The following KCNJ6 variants were observed in gnomAD, a reference collection of about 807,000 sequenced individuals.
KCNJ6 encodes G protein-activated inward rectifier potassium channel 2.
In KCNJ6, 9 loss-of-function variants were observed where a neutral mutation model predicts 34.2. The observed-to-expected ratio is 0.26, with a 90% CI of 0.16 to 0.46. KCNJ6 has a LOEUF of 0.46. Ranked by LOEUF, KCNJ6 falls within the 20% of genes least tolerant of loss-of-function variation. The pLI, the probability that KCNJ6 is intolerant of heterozygous loss-of-function variation, is 1.00. For synonymous variants in KCNJ6, 196 were observed against 207.1 expected (o/e 0.95, Z 0.46); for missense variants, 236 against 531.3 (o/e 0.44, Z 5.46).
At chr21:37,646,961 C>T (rs2054407950) in intron 3 of KCNJ6, among the ~76,000 whole-genome samples, 1 of 152,198 alleles carries the variant, frequency 6.6e-6, no homozygotes, top group Non-Finnish European at 1.5e-5. Context: ...GCCTGAGCCA[C>T]CGTGCCTGGC....
chr21:37,722,018 C>A (rs1181429818), intron 2 of KCNJ6, among the ~76,000 whole-genome samples: 5 of 152,180 alleles, frequency 3.3e-5, no homozygotes, highest in African/African-American at 1.2e-4. Context: ...TCTCTCTTTG[C>A]TGATAATATG....
At chr21:37,895,659 C>T (rs962738225) in intron 1 of KCNJ6, among the ~76,000 whole-genome samples, 2 of 152,124 alleles carry the variant, frequency 1.3e-5, no homozygotes, top group African/African-American at 4.8e-5. Context: ...GGGTGAAGTA[C>T]ATTGTCCTGA....
At chr21:37,677,653 T>C (rs897519795) in intron 3 of KCNJ6, among the ~76,000 whole-genome samples, 1 of 152,062 alleles carries the variant, frequency 6.6e-6, no homozygotes, top group African/African-American at 2.4e-5. Context: ...TTTGTTTGAC[T>C]ATTGCATAAG....
intron 2 of KCNJ6, among the ~76,000 whole-genome samples, chr21:37,761,432 T>G (rs925282880): frequency 4.0e-5 from 6 of 150,190 alleles, no homozygotes; most frequent in African/African-American, 1.5e-4. Flanking sequence ...TGTGTTGTGT[T>G]GTGTGTGTAT....
chr21:37,690,044 C>T (rs2054632551), intron 3 of KCNJ6, among the ~76,000 whole-genome samples: 1 of 152,110 alleles, frequency 6.6e-6, no homozygotes, highest in African/African-American at 2.4e-5. Context: ...TACAGATTAT[C>T]CTTATAAAAA....
At chr21:37,867,402 T>C (rs1017710548) in intron 1 of KCNJ6, among the ~76,000 whole-genome samples, 3 of 152,154 alleles carry the variant, frequency 2.0e-5, no homozygotes, top group African/African-American at 4.8e-5. Flanking sequence ...GCAGGGACAA[T>C]ATGAATGAAA....
chr21:37,900,975 T>C (rs542169182), intron 1 of KCNJ6, among the ~76,000 whole-genome samples: 17 of 152,320 alleles, frequency 1.1e-4, no homozygotes, highest in African/African-American at 4.1e-4. Context: ...CCCTCCTATT[T>C]ACAGTCTGTG....
At chr21:37,900,516 T>C (rs1381865824) in intron 1 of KCNJ6, among the ~76,000 whole-genome samples, 1 of 152,166 alleles carries the variant, frequency 6.6e-6, no homozygotes, top group East Asian at 1.9e-4. Flanking sequence ...CCACATGCAA[T>C]TTGCGTGGCG....
At chr21:37,829,617 G>A (rs2055415469) in intron 2 of KCNJ6, among the ~76,000 whole-genome samples, 1 of 152,218 alleles carries the variant, frequency 6.6e-6, no homozygotes, top group Non-Finnish European at 1.5e-5. Flanking sequence ...AGGCCTCTGT[G>A]TCTGAGTTGC....
intron 2 of KCNJ6, among the ~76,000 whole-genome samples, chr21:37,774,664 A>G (rs971890273): frequency 2.6e-5 from 4 of 152,190 alleles, no homozygotes; most frequent in African/African-American, 9.6e-5. Flanking sequence ...CCATGTCCCT[A>G]CAAAGGACAT....
intron 2 of KCNJ6, among the ~76,000 whole-genome samples, chr21:37,745,038 A>C (rs1222645637): frequency 2.1e-5 from 3 of 146,310 alleles, no homozygotes; most frequent in African/African-American, 7.5e-5. Context: ...CCAGGGAGAT[A>C]GTAGCATAAG....
intron 3 of KCNJ6, among the ~76,000 whole-genome samples, chr21:37,651,981 G>A (rs1473913627): frequency 6.6e-6 from 1 of 152,142 alleles, no homozygotes; most frequent in Non-Finnish European, 1.5e-5. Context: ...TTAGGTTAGA[G>A]GTAAATTTGG....
At chr21:37,785,279 T>C (rs1371063636) in intron 2 of KCNJ6, among the ~76,000 whole-genome samples, 1 of 152,162 alleles carries the variant, frequency 6.6e-6, no homozygotes, top group African/African-American at 2.4e-5. Flanking sequence ...CCAGGAAAAC[T>C]TCCACAAGTG....
At chr21:37,754,360 G>A (rs2055012955) in intron 2 of KCNJ6, among the ~76,000 whole-genome samples, 1 of 152,178 alleles carries the variant, frequency 6.6e-6, no homozygotes. Context: ...TAAGGAGAAA[G>A]GGCTTTTATC....
At chr21:37,863,852 T>G (rs1016936064) in intron 1 of KCNJ6, among the ~76,000 whole-genome samples, 1 of 74,310 alleles carries the variant, frequency 1.3e-5, no homozygotes, top group Admixed American at 1.7e-4. Flanking sequence ...AAAGGTTTTT[T>G]TTTTTTTGTT....
rs556521101 is a variant in KCNJ6, at chr21:37,747,699, G to C, written c.26-32568C>G. On this transcript the variant is annotated intron_variant, in intron 2 of 3. Coordinates refer to ENST00000609713, the MANE Select transcript of KCNJ6 (RefSeq NM_002240.5). The stretch of plus-strand genomic sequence containing the variant: ...CTCAGCCCATGGTGCTGGCTTTGAG[G>C]GGGGAGGAGGGGGCCATGAGACAAG... Among the ~76,000 whole-genome samples, 68 of 152,250 alleles carry C rather than the reference G, an allele frequency of 4.5e-4. 1 individual carries two copies. Among genetic ancestry groups the C allele is most frequent in the Middle Eastern group, 3.4e-3 (1 of 294 alleles).
intron 3 of KCNJ6, among the ~76,000 whole-genome samples, chr21:37,709,461 C>T (rs1299939060): frequency 3.9e-5 from 6 of 152,020 alleles, no homozygotes; most frequent in Non-Finnish European, 8.8e-5. Context: ...TTGCAGTGAG[C>T]CAAGATCACG....
At chr21:37,807,689 C>T (rs1448511654) in intron 2 of KCNJ6, among the ~76,000 whole-genome samples, 2 of 152,182 alleles carry the variant, frequency 1.3e-5, no homozygotes, top group Non-Finnish European at 1.5e-5. Flanking sequence ...GCAGGCTATG[C>T]CATCTAGGTT....
At chr21:37,691,598 T>C (rs1382952057) in intron 3 of KCNJ6, among the ~76,000 whole-genome samples, 1 of 152,222 alleles carries the variant, frequency 6.6e-6, no homozygotes, top group African/African-American at 2.4e-5. Flanking sequence ...GGCTTCTGGC[T>C]AGAATGGTTT....
Sources: allele counts gnomAD v4.1 joint callset (sites outside exome capture counted in the v4.1 genomes callset), GRCh38; gene constraint gnomAD v4.1.1; transcripts MANE v1.5; gene names NCBI Gene and HGNC (gene_info 2026-07-23, HGNC 2026-07-21).